Variants in OXR1 observed in about 807,000 individuals in gnomAD.
OXR1 encodes the protein oxidation resistance protein 1.
Under a neutral mutation model 104.6 loss-of-function variants are expected in OXR1, and 41 were observed. The ratio of observed to expected loss-of-function variants is 0.39; its 90% confidence interval spans 0.31 to 0.51. The LOEUF is 0.51. Ranked by LOEUF, OXR1 falls within the 20% of genes least tolerant of loss-of-function variation. OXR1 has a pLI of 0.77. For missense variants in OXR1, 955 were observed against 1,031.9 expected (o/e 0.93, Z 1.02); for synonymous variants, 348 against 348.4 (o/e 1.00, Z 0.01).
rs576519340 is a variant in OXR1, at chr8:106,369,284, A to T, written c.23+9648A>T. On this transcript the variant is annotated intron_variant, in intron 2 of 16. Coordinates refer to ENST00000517566, the MANE Select transcript of OXR1 (RefSeq NM_001198533.2). ...GTAAATATGTTTAAGTTCCTTGTAA[A>T]TTCTGAATATTAGACCTTTGTCAGA... Among the ~76,000 whole-genome samples the T allele has an allele frequency of 2.8e-4, 42 of 152,290 alleles. No individual in the cohort carries two copies. The South Asian group carries it at 8.3e-3, about 30-fold the overall frequency.
At chr8:106,431,456 T>A (rs1028443886) in intron 2 of OXR1, among the ~76,000 whole-genome samples, 1 of 152,178 alleles carries the variant, frequency 6.6e-6, no homozygotes, top group Non-Finnish European at 1.5e-5. Context: ...AACTTATGAT[T>A]TATAGGAATT....
intron 3 of OXR1, chr8:106,658,102 AC>A: frequency 8.0e-7 from 1 of 1,247,720 alleles, no homozygotes; most frequent in Non-Finnish European, 1.0e-6. Context: ...TTCGAAGATT[AC>A]CTGAGGGAGC....
chr8:106,577,192 G>C (rs939028502), intron 3 of OXR1, among the ~76,000 whole-genome samples: 2 of 149,790 alleles, frequency 1.3e-5, no homozygotes, highest in African/African-American at 4.9e-5. Context: ...AAAGCTATCC[G>C]TTTTTTTTGT....
chr8:106,494,874 C>T (rs1811316685), intron 2 of OXR1, among the ~76,000 whole-genome samples: 2 of 152,112 alleles, frequency 1.3e-5, no homozygotes, highest in South Asian at 2.1e-4. Flanking sequence ...TACTTTTTGG[C>T]ATTTCTTCAT....
chr8:106,748,898 G>A (rs999378282), intron 16 of OXR1, among the ~76,000 whole-genome samples: 1 of 151,924 alleles, frequency 6.6e-6, no homozygotes, highest in African/African-American at 2.4e-5. Context: ...ATTCTACATG[G>A]TCACTGTAGC....
chr8:106,303,940 T>A (rs1277001876), intron 1 of OXR1, among the ~76,000 whole-genome samples: 1 of 152,228 alleles, frequency 6.6e-6, no homozygotes, highest in Non-Finnish European at 1.5e-5. Flanking sequence ...AACAAATTAA[T>A]CTGTAAATAG....
At chr8:106,661,284 C>A (rs962695134) in intron 3 of OXR1, among the ~76,000 whole-genome samples, 1 of 152,326 alleles carries the variant, frequency 6.6e-6, no homozygotes, top group South Asian at 2.1e-4. Flanking sequence ...TTCCTTTACT[C>A]CTCTCCAAGG....
At chr8:106,592,621 AAG>A (rs1819185574) in intron 3 of OXR1, among the ~76,000 whole-genome samples, 1 of 152,180 alleles carries the variant, frequency 6.6e-6, no homozygotes. Flanking sequence ...AGCAAGCACA[AAG>A]GCCTGGAAGT....
At chr8:106,419,276 C>T (rs980174535) in intron 2 of OXR1, among the ~76,000 whole-genome samples, 2 of 152,268 alleles carry the variant, frequency 1.3e-5, no homozygotes, top group African/African-American at 4.8e-5. Context: ...CATTCTGCCT[C>T]CTAACATTCT....
In OXR1 at chr8:106,624,982, G is replaced by C. The variant is rs181371677; in HGVS notation, c.221-54228G>C. Among the ~76,000 whole-genome samples the C allele has an allele frequency of 2.5e-3, 385 of 152,152 alleles. 1 individual carries two copies. Among genetic ancestry groups the C allele is most frequent in the Non-Finnish European group, 4.8e-3 (325 of 67,990 alleles). ...AATTTTTCTATTTTTTGTAGAGATG[G>C]GGTTTCATCACATTGCCCAAGATGG... On this transcript the variant is annotated intron_variant, in intron 3 of 16. Coordinates refer to ENST00000517566, the MANE Select transcript of OXR1 (RefSeq NM_001198533.2).
chr8:106,612,819 C>T, intron 3 of OXR1, among the ~76,000 whole-genome samples: 1 of 152,056 alleles, frequency 6.6e-6, no homozygotes, highest in East Asian at 1.9e-4. Context: ...TCTCACACAG[C>T]CCTACGAATA....
At chr8:106,351,899 A>C (rs1251443885) in intron 1 of OXR1, among the ~76,000 whole-genome samples, 1 of 152,200 alleles carries the variant, frequency 6.6e-6, no homozygotes, top group Admixed American at 6.5e-5. Flanking sequence ...TATTTTACAA[A>C]TGAAGAAATA....
At chr8:106,721,263 A>G (rs749223896) in intron 11 of OXR1, among the ~76,000 whole-genome samples, 8 of 151,882 alleles carry the variant, frequency 5.3e-5, no homozygotes, top group South Asian at 2.1e-4. Flanking sequence ...AAAATTTTTC[A>G]TCTCTAATTT....
intron 3 of OXR1, among the ~76,000 whole-genome samples, chr8:106,532,313 C>T (rs976672271): frequency 9.2e-5 from 14 of 152,140 alleles, no homozygotes; most frequent in African/African-American, 3.4e-4. Context: ...AAAAAGATAG[C>T]ATATTATGTT....
chr8:106,302,477 T>C lies in OXR1; in HGVS notation c.-139+32110T>C, dbSNP rs960554798. ...GGCGGGCACCTGTAGTCCCAGCTACTCGGGAGGCTGAGGCAGGGGAATGGT... is the reference window on the plus strand; with the variant it reads ...GGCGGGCACCTGTAGTCCCAGCTACCCGGGAGGCTGAGGCAGGGGAATGGT... On this transcript the variant is annotated intron_variant, in intron 1 of 16. Transcript: ENST00000517566. Among the ~76,000 whole-genome samples the C allele has an allele frequency of 2.6e-5, 4 of 151,292 alleles. No homozygotes were observed. The South Asian group carries it at 8.4e-4, about 32-fold the overall frequency.
intron 10 of OXR1, 73 bp downstream of exon 10, chr8:106,710,863 TACC>T: frequency 4.3e-6 from 4 of 932,856 alleles, no homozygotes; most frequent in Non-Finnish European, 4.5e-6. Flanking sequence ...TGTGTCAAAA[TACC>T]AATGATAAAC....
intron 2 of OXR1, among the ~76,000 whole-genome samples, chr8:106,445,416 A>T (rs1819972068): frequency 6.6e-6 from 1 of 152,176 alleles, no homozygotes; most frequent in African/African-American, 2.4e-5. Context: ...CAGGATACTG[A>T]AGTATACTGT....
chr8:106,407,483 A>G (rs964754124), intron 2 of OXR1, among the ~76,000 whole-genome samples: 2 of 152,224 alleles, frequency 1.3e-5, no homozygotes, highest in Non-Finnish European at 2.9e-5. Context: ...TAAGAAACAG[A>G]TTTATCAAAG....
intron 15 of OXR1, 66 bp from the exon 16 acceptor site, chr8:106,745,723 G>T: frequency 1.3e-6 from 1 of 744,688 alleles, no homozygotes; most frequent in Non-Finnish European, 2.2e-6. Flanking sequence ...TTTGAGTTTT[G>T]GAGAACTAAC....
Sources: gnomAD v4.1 joint callset for allele counts (sites outside exome capture counted in the v4.1 genomes callset) on GRCh38, gnomAD v4.1.1 for gene constraint, MANE v1.5 for transcripts, NCBI Gene and HGNC (gene_info 2026-07-23, HGNC 2026-07-21) for gene names.